Variants in GLIS3 observed in about 807,000 individuals in gnomAD.
GLIS3 encodes the protein zinc finger protein GLIS3.
A neutral mutation model predicts 78.6 loss-of-function variants in GLIS3; 53 were observed. That is an observed-to-expected ratio of 0.67 (90% CI 0.54 to 0.85). The LOEUF is 0.85. GLIS3 is among the 40% of genes least tolerant of loss of function. The pLI is 0.00. For synonymous variants in GLIS3, 684 were observed against 509.9 expected, an observed-to-expected ratio of 1.34 and a Z score of -4.60; for missense variants, 1,703 against 1,231.1, an observed-to-expected ratio of 1.38 and a Z score of -5.74.
chr9:4,003,611 T>C (rs886852597), intron 4 of GLIS3, among the ~76,000 whole-genome samples: 3 of 152,162 alleles, frequency 2.0e-5, no homozygotes, highest in Non-Finnish European at 4.4e-5. Context: ...ATGTTTTGAG[T>C]GTCTCTAAGT....
At chr9:3,955,551 A>G (rs1473415686) in intron 4 of GLIS3, among the ~76,000 whole-genome samples, 1 of 152,156 alleles carries the variant, frequency 6.6e-6, no homozygotes, top group Admixed American at 6.5e-5. Flanking sequence ...CATCATACCA[A>G]TGAAAAAGGG....
chr9:4,328,351 C>T (rs1477625683), intron 2 of GLIS3, among the ~76,000 whole-genome samples: 2 of 152,204 alleles, frequency 1.3e-5, no homozygotes, highest in Non-Finnish European at 2.9e-5. Flanking sequence ...CCAGAACCCA[C>T]TCAACCCACT....
intron 4 of GLIS3, among the ~76,000 whole-genome samples, chr9:4,074,348 G>A (rs1827877544): frequency 6.6e-6 from 1 of 152,184 alleles, no homozygotes; most frequent in South Asian, 2.1e-4. Flanking sequence ...CCTCTTTCCT[G>A]ATTCCTTGTT....
intron 4 of GLIS3, among the ~76,000 whole-genome samples, chr9:3,996,973 A>C (rs984932750): frequency 6.6e-6 from 1 of 152,230 alleles, no homozygotes; most frequent in African/African-American, 2.4e-5. Context: ...AGGAGAAAAA[A>C]TACATCTTAA....
intron 2 of GLIS3, among the ~76,000 whole-genome samples, chr9:4,341,376 C>G (rs1817832193): frequency 1.3e-5 from 2 of 152,330 alleles, no homozygotes; most frequent in South Asian, 2.1e-4. Context: ...CAAATCAACT[C>G]TCCTTCTTCT....
the GLIS3 span, among the ~76,000 whole-genome samples, chr9:4,440,024 C>T: frequency 1.3e-5 from 2 of 152,100 alleles, no homozygotes; most frequent in Admixed American, 1.3e-4. Context: ...AGTCTTTCGC[C>T]CATTTTGTAA....
chr9:3,955,042 T>C (rs1156448410), intron 4 of GLIS3, among the ~76,000 whole-genome samples: 1 of 152,186 alleles, frequency 6.6e-6, no homozygotes, highest in African/African-American at 2.4e-5. Flanking sequence ...AGCAAGGGAA[T>C]TCACGACGTA....
intron 4 of GLIS3, among the ~76,000 whole-genome samples, chr9:3,976,586 C>T (rs1818805378): frequency 6.6e-6 from 1 of 151,286 alleles, no homozygotes; most frequent in African/African-American, 2.4e-5. Context: ...TCTGAAGAAA[C>T]CTCTAATGAA....
At chr9:3,876,025 G>A (rs1407942) in intron 8 of GLIS3, among the ~76,000 whole-genome samples, 151,283 of 152,318 alleles carry the variant, frequency 0.99, 75,139 homozygotes, top group Middle Eastern at 1. Flanking sequence ...TTCATGCCAT[G>A]TAACTTACTA....
At chr9:4,241,097 TG>T (rs1267422314) in intron 2 of GLIS3, among the ~76,000 whole-genome samples, 1 of 152,214 alleles carries the variant, frequency 6.6e-6, no homozygotes, top group African/African-American at 2.4e-5. Context: ...ACCACCTTTA[TG>T]ATTATGACCT....
the GLIS3 span, among the ~76,000 whole-genome samples, chr9:4,360,503 G>T: frequency 1.3e-5 from 2 of 152,028 alleles, no homozygotes; most frequent in African/African-American, 4.8e-5. Flanking sequence ...CATACCTTAA[G>T]CCCTTTGCAT....
At chr9:4,065,888 A>G (rs1827054162) in intron 4 of GLIS3, among the ~76,000 whole-genome samples, 2 of 152,310 alleles carry the variant, frequency 1.3e-5, no homozygotes, top group South Asian at 4.1e-4. Context: ...GGCTAAGAAG[A>G]CCGTAATTTT....
At chr9:3,968,180 C>G (rs901738245) in intron 4 of GLIS3, among the ~76,000 whole-genome samples, 1 of 152,128 alleles carries the variant, frequency 6.6e-6, no homozygotes, top group African/African-American at 2.4e-5. Context: ...GGGTGAAGAC[C>G]TTGGCAGCAT....
intron 2 of GLIS3, among the ~76,000 whole-genome samples, chr9:4,228,645 T>C (rs935532786): frequency 2.0e-5 from 3 of 152,210 alleles, no homozygotes. Context: ...CCCCTATGTA[T>C]GCATGTATCC....
chr9:4,184,025 A>C (rs569815781), intron 2 of GLIS3, among the ~76,000 whole-genome samples: 1 of 152,342 alleles, frequency 6.6e-6, no homozygotes, highest in Admixed American at 6.5e-5. Flanking sequence ...GAAATCAATG[A>C]GGAACATGAA....
intron 2 of GLIS3, among the ~76,000 whole-genome samples, chr9:4,283,843 A>C (rs12342349): frequency 2.2e-4 from 33 of 152,334 alleles, no homozygotes; most frequent in Admixed American, 6.5e-4. Flanking sequence ...ATGGTATCTA[A>C]GCTCCAAAGC....
intron 2 of GLIS3, among the ~76,000 whole-genome samples, chr9:4,198,188 T>C (rs1420587674): frequency 6.6e-6 from 1 of 151,782 alleles, no homozygotes; most frequent in East Asian, 1.9e-4. Context: ...GATAAAGAAT[T>C]CAAAGCATGG....
At chr9:3,892,960 CTTTTA>C (rs558375724) in intron 7 of GLIS3, among the ~76,000 whole-genome samples, 14 of 152,202 alleles carry the variant, frequency 9.2e-5, no homozygotes, top group South Asian at 2.1e-4. Context: ...ACACATCTAA[CTTTTA>C]TTTTAAGTTC....
the GLIS3 span, among the ~76,000 whole-genome samples, chr9:4,465,789 T>C: frequency 6.6e-6 from 1 of 152,226 alleles, no homozygotes; most frequent in Non-Finnish European, 1.5e-5. Flanking sequence ...CTTGGATTTC[T>C]GCCTCTGGCT....
Sources: gnomAD v4.1 joint callset for allele counts (sites outside exome capture counted in the v4.1 genomes callset) on GRCh38, gnomAD v4.1.1 for gene constraint, MANE v1.5 for transcripts, NCBI Gene and HGNC (gene_info 2026-07-23, HGNC 2026-07-21) for gene names.